The following IL36B variants were observed in gnomAD, a reference collection of about 807,000 sequenced individuals.
The protein encoded by IL36B is interleukin 36 beta, also known as interleukin-36 beta.
IL36B carries 23 observed loss-of-function variants against 19.3 expected under a neutral mutation model. The ratio of observed to expected loss-of-function variants is 1.19; its 90% CI spans 0.86 to 1.69. IL36B has a LOEUF of 1.69. Among genes scored for constraint, IL36B ranks in the 40% most tolerant of loss-of-function variants. The probability of loss-of-function intolerance (pLI) is 0.00; values close to 1 mark genes in which losing one functional copy is unlikely to be tolerated. For missense variants in IL36B, 217 were observed against 200.5 expected, an observed-to-expected ratio of 1.08 and a Z score of -0.50; for synonymous variants, 59 against 59.7, an observed-to-expected ratio of 0.99 and a Z score of 0.05.
intron 3 of IL36B, among the ~76,000 whole-genome samples, chr2:113,030,540 A>C (rs1388113335): frequency 6.6e-6 from 1 of 152,254 alleles, no homozygotes; most frequent in East Asian, 1.9e-4. Flanking sequence ...TCCAGTAAAC[A>C]AAGGTGGAAT....
At chr2:113,043,590 C>G (rs1182572738) in intron 1 of IL36B, among the ~76,000 whole-genome samples, 1 of 152,154 alleles carries the variant, frequency 6.6e-6, no homozygotes, top group Non-Finnish European at 1.5e-5. Context: ...AAGACAGAGT[C>G]TTGCTCTGTC....
At chr2:113,041,416 C>A (rs1252852605) in intron 1 of IL36B, among the ~76,000 whole-genome samples, 5 of 152,054 alleles carry the variant, frequency 3.3e-5, no homozygotes, top group Admixed American at 3.3e-4. Flanking sequence ...AATCTCAAAC[C>A]CTACCTCACA....
intron 4 of IL36B, chr2:113,028,111 T>C: frequency 6.2e-7 from 1 of 1,613,770 alleles, no homozygotes; most frequent in Non-Finnish European, 8.5e-7. Context: ...CATGATATTT[T>C]TTTCCTGGGG....
chr2:113,041,271 C>T (rs1685252121), intron 1 of IL36B, among the ~76,000 whole-genome samples: 1 of 152,046 alleles, frequency 6.6e-6, no homozygotes, highest in African/African-American at 2.4e-5. Context: ...CAATGTCTTA[C>T]TAGCAGCATG....
intron 1 of IL36B, among the ~76,000 whole-genome samples, chr2:113,045,811 C>A (rs538617522): frequency 6.6e-6 from 1 of 152,232 alleles, no homozygotes; most frequent in South Asian, 2.1e-4. Flanking sequence ...TGACTTGAGT[C>A]TGTTTTAAGC....
intron 1 of IL36B, 129 bp downstream of exon 1, chr2:113,052,688 T>C (rs1685469733): frequency 6.6e-6 from 1 of 152,284 alleles, no homozygotes; most frequent in Non-Finnish European, 1.5e-5. Context: ...TGGAGCTGAG[T>C]CCATGCCTTT....
chr2:113,049,369 G>C (rs1452618506), intron 1 of IL36B, among the ~76,000 whole-genome samples: 1 of 152,148 alleles, frequency 6.6e-6, no homozygotes, highest in Non-Finnish European at 1.5e-5. Context: ...CTCAGGGAAT[G>C]GGAGGAAATA....
At chr2:113,025,954 G>C in intron 5 of IL36B, 1 of 1,293,044 alleles carries the variant, frequency 7.7e-7, no homozygotes, top group Non-Finnish European at 1.0e-6. Context: ...AGGGAAGTGA[G>C]AGAAGTCAAT....
chr2:113,043,329 T>C (rs1685293616), intron 1 of IL36B, among the ~76,000 whole-genome samples: 1 of 152,208 alleles, frequency 6.6e-6, no homozygotes, highest in African/African-American at 2.4e-5. Flanking sequence ...TACCATAATT[T>C]CTCACTGTAT....
intron 4 of IL36B, chr2:113,027,975 T>C: frequency 6.2e-7 from 1 of 1,614,164 alleles, no homozygotes; most frequent in East Asian, 2.2e-5. Context: ...AGATGGGCTG[T>C]CCTGATGTGG....
intron 1 of IL36B, among the ~76,000 whole-genome samples, chr2:113,044,493 A>G (rs1414138388): frequency 6.6e-6 from 1 of 151,918 alleles, no homozygotes. Flanking sequence ...AGGTCTCACT[A>G]TGTTGCCCAG....
chr2:113,051,584 C>T (rs950777285), intron 1 of IL36B, among the ~76,000 whole-genome samples: 5 of 152,212 alleles, frequency 3.3e-5, no homozygotes, highest in African/African-American at 1.2e-4. Flanking sequence ...GCCTCTGGCT[C>T]AGCACCCAGC....
chr2:113,041,949 A>G lies in IL36B; in HGVS notation c.-57-10183T>C, dbSNP rs1040873313. 5.9e-5 allele frequency among the ~76,000 whole-genome samples: 9 copies of G among 152,146 alleles called. 1 individual carries two copies. The highest frequency in any genetic ancestry group is 2.2e-4 in the African/African-American group (9 of 41,438). ...GGTGACGAGGTCTCAGTGCCTGGAA[A>G]GGGGGTGGCATTACCCTCAAGGATG... On this transcript the variant is annotated intron_variant, in intron 1 of 5. Transcript: ENST00000259213.
chr2:113,025,947 G>T (rs1684950315), intron 5 of IL36B, among the ~76,000 whole-genome samples: 1 of 152,170 alleles, frequency 6.6e-6, no homozygotes, highest in Non-Finnish European at 1.5e-5. Context: ...TTGAAACAGG[G>T]AAGTGAGAGA....
At chr2:113,052,691 A>G (rs1685469798) in intron 1 of IL36B, 126 bp downstream of exon 1, 1 of 152,256 alleles carries the variant, frequency 6.6e-6, no homozygotes, top group African/African-American at 2.4e-5. Context: ...AGCTGAGTCC[A>G]TGCCTTTTTC....
rs1684983461 is a variant in IL36B at position 113,027,387 on chromosome 2, G to A, written c.262-1155C>T. The A allele has an allele frequency of 6.1e-6, 5 of 819,370 alleles. No homozygotes were observed. In the South Asian group the frequency reaches 2.6e-4, roughly 42 times the overall value. 50.8% of individuals were successfully genotyped at this position (819,370 alleles called of 1,614,324 possible). ...AAATCGTGTTGTTCAAGGGTTAAGTGTATACACTGTGTGTCAAATTATTAA... is the reference window on the plus strand; with the variant it reads ...AAATCGTGTTGTTCAAGGGTTAAGTATATACACTGTGTGTCAAATTATTAA... On this transcript the variant is annotated intron_variant, in intron 4 of 5. Coordinates refer to ENST00000259213, the MANE Select transcript of IL36B (RefSeq NM_014438.5).
intron 1 of IL36B, among the ~76,000 whole-genome samples, chr2:113,034,148 T>C (rs778775764): frequency 5.9e-5 from 9 of 152,214 alleles, no homozygotes; most frequent in Non-Finnish European, 1.0e-4. Context: ...CCACATGATC[T>C]GGGTCCTCTT....
chr2:113,026,856 A>T (rs906861931), intron 4 of IL36B, among the ~76,000 whole-genome samples: 1 of 152,220 alleles, frequency 6.6e-6, no homozygotes, highest in African/African-American at 2.4e-5. Flanking sequence ...ATGATTTTTT[A>T]AAATATGGAT....
chr2:113,032,962 C>T (rs1340656473), intron 1 of IL36B, among the ~76,000 whole-genome samples: 1 of 152,170 alleles, frequency 6.6e-6, no homozygotes, highest in Admixed American at 6.5e-5. Flanking sequence ...AGGCCAGATG[C>T]TGAGTTGAGG....
Sources: gnomAD v4.1 joint callset for allele counts (sites outside exome capture counted in the v4.1 genomes callset) on GRCh38, gnomAD v4.1.1 for gene constraint, MANE v1.5 for transcripts, NCBI Gene and HGNC (gene_info 2026-07-23, HGNC 2026-07-21) for gene names.